PRKD1: variants seen among roughly 807,000 people sequenced by gnomAD.
The protein encoded by PRKD1 is protein kinase D1.
A neutral mutation model predicts 95.9 loss-of-function variants in PRKD1; 63 were observed. That is an observed-to-expected ratio of 0.66 (90% confidence interval 0.54 to 0.81). PRKD1 has a LOEUF of 0.81. Ranked by LOEUF, PRKD1 falls within the 30% of genes least tolerant of loss-of-function variation. The pLI is 0.00. For missense variants in PRKD1, 1,048 were observed against 1,165.3 expected (o/e 0.90, Z 1.47); for synonymous variants, 425 against 423.1 (o/e 1.00, Z -0.05).
intron 13 of PRKD1, among the ~76,000 whole-genome samples, chr14:29,609,848 C>T (rs191409221): frequency 1.3e-5 from 2 of 151,902 alleles, no homozygotes; most frequent in East Asian, 3.9e-4. Flanking sequence ...CATAAGCCAC[C>T]ATGCCCGGCC....
intron 1 of PRKD1, among the ~76,000 whole-genome samples, chr14:29,869,454 A>AAAG (rs1893027943): frequency 6.6e-6 from 1 of 152,032 alleles, no homozygotes; most frequent in Non-Finnish European, 1.5e-5. Flanking sequence ...AAAAAAAAAA[A>AAAG]AAGAAGAAAG....
chr14:29,846,457 A>G (rs1892081645), intron 1 of PRKD1, among the ~76,000 whole-genome samples: 1 of 152,196 alleles, frequency 6.6e-6, no homozygotes, highest in South Asian at 2.1e-4. Flanking sequence ...AGAGGGCTCA[A>G]TGAGTGCAAA....
In PRKD1 at chr14:29,661,812, T is replaced by C. The variant is rs190353127; in HGVS notation, c.696+1887A>G. On this transcript the variant is annotated intron_variant, in intron 4 of 17. Transcript: ENST00000331968. ...CATCCCAGTAGCTTTAAAAAGTATC[T>C]TGTGGCTCCAATATTTTCTCACTTA... Among the ~76,000 whole-genome samples the C allele has an allele frequency of 3.7e-4, 56 of 152,346 alleles. No homozygotes were observed. In the East Asian group the frequency reaches 0.01, roughly 27 times the overall value.
At chr14:29,627,854 A>G (rs1879727663) in intron 11 of PRKD1, among the ~76,000 whole-genome samples, 1 of 152,204 alleles carries the variant, frequency 6.6e-6, no homozygotes, top group Non-Finnish European at 1.5e-5. Flanking sequence ...CTGTCTAGGG[A>G]CAAGACAAGT....
At chr14:29,623,480 G>A (rs1026845873) in intron 13 of PRKD1, among the ~76,000 whole-genome samples, 1 of 152,030 alleles carries the variant, frequency 6.6e-6, no homozygotes, top group South Asian at 2.1e-4. Flanking sequence ...TATAAAAATC[G>A]GAATTTATCA....
At chr14:29,720,579 A>G (rs1733845944) in intron 2 of PRKD1, among the ~76,000 whole-genome samples, 2 of 151,982 alleles carry the variant, frequency 1.3e-5, no homozygotes, top group Admixed American at 6.6e-5. Context: ...CAGGAGCTCA[A>G]GACCAGCCTG....
At chr14:29,686,833 A>G (rs1883902022) in intron 2 of PRKD1, among the ~76,000 whole-genome samples, 1 of 152,236 alleles carries the variant, frequency 6.6e-6, no homozygotes, top group Non-Finnish European at 1.5e-5. Flanking sequence ...AGAAGGAAAT[A>G]CATTATTTTC....
intron 2 of PRKD1, among the ~76,000 whole-genome samples, chr14:29,720,652 C>A (rs1221008150): frequency 6.6e-6 from 1 of 151,688 alleles, no homozygotes; most frequent in Admixed American, 6.6e-5. Context: ...TGGTGGTGTG[C>A]GCCTGTAATC....
At chr14:29,693,645 C>CAAAA (rs1435897327) in intron 2 of PRKD1, among the ~76,000 whole-genome samples, 10 of 97,812 alleles carry the variant, frequency 1.0e-4, no homozygotes, top group African/African-American at 7.5e-4. Flanking sequence ...AAAAAAACAA[C>CAAAA]AACAACAAAA....
At chr14:29,584,236 T>A (rs1566466277) in intron 16 of PRKD1, among the ~76,000 whole-genome samples, 1 of 152,184 alleles carries the variant, frequency 6.6e-6, no homozygotes, top group Non-Finnish European at 1.5e-5. Flanking sequence ...TATACTGCAG[T>A]CATTCTCCAT....
chr14:29,883,068 A>G (rs1272543477), intron 1 of PRKD1, among the ~76,000 whole-genome samples: 1 of 152,186 alleles, frequency 6.6e-6, no homozygotes, highest in Non-Finnish European at 1.5e-5. Flanking sequence ...GGGAGGCCTC[A>G]GGGACCTTTT....
intron 13 of PRKD1, among the ~76,000 whole-genome samples, chr14:29,621,292 T>C (rs1256386146): frequency 1.3e-5 from 2 of 151,868 alleles, no homozygotes; most frequent in Non-Finnish European, 2.9e-5. Flanking sequence ...TGTATACATA[T>C]GTAACTAACC....
chr14:29,649,273 G>A (rs7143244), intron 4 of PRKD1, among the ~76,000 whole-genome samples: 38,388 of 151,924 alleles, frequency 0.25, 4,966 homozygotes, highest in African/African-American at 0.29. Flanking sequence ...GAGGCAGGTA[G>A]CCTTGGTAAA....
intron 2 of PRKD1, among the ~76,000 whole-genome samples, chr14:29,693,655 A>AC (rs1884363289): frequency 6.7e-6 from 1 of 149,916 alleles, no homozygotes; most frequent in African/African-American, 2.5e-5. Flanking sequence ...CAACAACAAA[A>AC]AAAAAAAACC....
intron 1 of PRKD1, among the ~76,000 whole-genome samples, chr14:29,891,111 T>G (rs1186190019): frequency 3.3e-5 from 5 of 152,208 alleles, no homozygotes; most frequent in Non-Finnish European, 7.3e-5. Context: ...AATGTACCAA[T>G]GGCTCATAGA....
chr14:29,839,447 C>A (rs1891741825), intron 1 of PRKD1, among the ~76,000 whole-genome samples: 1 of 152,158 alleles, frequency 6.6e-6, no homozygotes, highest in Non-Finnish European at 1.5e-5. Context: ...CAAAAGCAGA[C>A]CTGCCAAAGG....
intron 1 of PRKD1, among the ~76,000 whole-genome samples, chr14:29,904,762 A>T (rs1894437696): frequency 6.6e-6 from 1 of 152,232 alleles, no homozygotes; most frequent in Non-Finnish European, 1.5e-5. Context: ...TCTTATCCAT[A>T]GATTCAAAGG....
chr14:29,845,244 GA>G (rs1268517569), intron 1 of PRKD1, among the ~76,000 whole-genome samples: 2 of 152,094 alleles, frequency 1.3e-5, no homozygotes, highest in South Asian at 4.1e-4. Context: ...GGTCTGTAAA[GA>G]AAATGCTTAA....
In PRKD1 at chr14:29,819,412, C is replaced by T. The variant is rs182465560; in HGVS notation, c.265-93738G>A. On this transcript the variant is annotated intron_variant, in intron 1 of 17. Coordinates refer to ENST00000331968, the MANE Select transcript of PRKD1 (RefSeq NM_002742.3). ...CATAAATAATAAAGCAAATGGGGGC[C>T]GGGCGCGGTGGCTCATGCCTGTAAT... is the stretch of plus-strand genomic sequence containing the variant. Among the ~76,000 whole-genome samples the T allele has an allele frequency of 9.7e-4, 148 of 152,180 alleles. 1 individual carries two copies. Among genetic ancestry groups the T allele is most frequent in the East Asian group, 3.9e-4 (2 of 5,160 alleles).
Sources: gnomAD v4.1 joint callset for allele counts (sites outside exome capture counted in the v4.1 genomes callset) on GRCh38, gnomAD v4.1.1 for gene constraint, MANE v1.5 for transcripts, NCBI Gene and HGNC (gene_info 2026-07-23, HGNC 2026-07-21) for gene names.